Variants in AGPAT4 observed in about 807,000 individuals in gnomAD.
AGPAT4 encodes 1-acyl-sn-glycerol-3-phosphate acyltransferase delta.
Under a neutral mutation model 48.0 loss-of-function variants are expected in AGPAT4, and 15 were observed. The observed-to-expected ratio is 0.31, with a 90% CI of 0.21 to 0.48. AGPAT4 has a LOEUF of 0.48. AGPAT4 is among the 20% of genes least tolerant of loss of function. The pLI, the probability that AGPAT4 is intolerant of heterozygous loss-of-function variation, is 0.99. For synonymous variants in AGPAT4, 178 were observed against 198.7 expected, an observed-to-expected ratio of 0.90 and a Z score of 0.88; for missense variants, 314 against 482.5, an observed-to-expected ratio of 0.65 and a Z score of 3.27.
chr6:161,245,179 A>G lies in AGPAT4; in HGVS notation c.-89-12877T>C, dbSNP rs946477760. 1.3e-5 allele frequency among the ~76,000 whole-genome samples: 2 copies of G among 152,216 alleles called. No homozygotes were observed. Among genetic ancestry groups the G allele is most frequent in the Non-Finnish European group, 2.9e-5 (2 of 68,042 alleles). On this transcript the variant is annotated intron_variant, in intron 1 of 8. Transcript: ENST00000320285. This position sits in a 1 kb window ranked among gnomAD's most constrained non-coding sequence, Gnocchi z 5.2. The stretch of plus-strand genomic sequence containing the variant: ...AGCAGGGGAGGTAGCCAGTATTTAG[A>G]GTCAGGGGACCTGAGTGTGATTCTT...
chr6:161,203,762 A>T (rs1457367072), intron 2 of AGPAT4, among the ~76,000 whole-genome samples: 1 of 152,122 alleles, frequency 6.6e-6, no homozygotes, highest in African/African-American at 2.4e-5. Context: ...TCTGGAATTT[A>T]TGAGACCCCA....
rs1441245447 is a variant in AGPAT4 at position 161,232,600 on chromosome 6, C to T, written c.-89-298G>A. Among the ~76,000 whole-genome samples, 5 of 152,178 alleles carry T rather than the reference C, an allele frequency of 3.3e-5. No individual in the cohort carries two copies. On this transcript the variant is annotated intron_variant, in intron 1 of 8. Coordinates refer to ENST00000320285, the MANE Select transcript of AGPAT4 (RefSeq NM_020133.3). The surrounding 1 kb of genome is among the most constrained non-coding windows in gnomAD (Gnocchi z 6.8). ...CACTCGGCCAGGGTTCACCGCTCCC[C>T]AGCTGGGCAGCAGCTGAGCCAGCCA...
chr6:161,238,279 G>A lies in AGPAT4; in HGVS notation c.-89-5977C>T, dbSNP rs1554238855. Among the ~76,000 whole-genome samples the A allele has an allele frequency of 6.6e-6, 1 of 152,206 alleles. No individual in the cohort carries two copies. The highest frequency in any genetic ancestry group is 1.5e-5 in the Non-Finnish European group (1 of 68,042). On this transcript the variant is annotated intron_variant, in intron 1 of 8. Coordinates refer to ENST00000320285, the MANE Select transcript of AGPAT4 (RefSeq NM_020133.3). This position sits in a 1 kb window ranked among gnomAD's most constrained non-coding sequence, Gnocchi z 5.2. ...AACTTCAGCATGAGGTGGCTGCAAG[G>A]AGCAAGTATAGTAAAGCATTGGAAA... is the stretch of plus-strand genomic sequence containing the variant.
chr6:161,171,213 AG>A lies in AGPAT4; in HGVS notation c.179-4797del, dbSNP rs1323665399. ...GCGTTACAATGCCAGGAGCCCTACG[AG>A]GGTAAATCTAAGAGAAGCAAAGATA... On this transcript the variant is annotated intron_variant, in intron 2 of 8. Transcript: ENST00000320285. The surrounding 1 kb of genome is among the most constrained non-coding windows in gnomAD (Gnocchi z 4.4). 6.6e-6 allele frequency among the ~76,000 whole-genome samples: 1 copy of A among 152,252 alleles called. No homozygotes were observed. The highest frequency in any genetic ancestry group is 1.5e-5 in the Non-Finnish European group (1 of 68,042).
Position 161,215,255 on chromosome 6 carries a change from G to C in AGPAT4, c.178+16781C>G, listed in dbSNP as rs78353268. On this transcript the variant is annotated intron_variant, in intron 2 of 8. Transcript: ENST00000320285. This position sits in a 1 kb window ranked among gnomAD's most constrained non-coding sequence, Gnocchi z 4.5. The stretch of plus-strand genomic sequence containing the variant: ...TACACTGCATGTGTTGTAATCTGTT[G>C]CCTAGTTAGCAAATGTTTCTGTAGA... Among the ~76,000 whole-genome samples, 1 of 152,100 alleles carries C rather than the reference G, an allele frequency of 6.6e-6. No homozygotes were observed. Among genetic ancestry groups the C allele is most frequent in the Non-Finnish European group, 1.5e-5 (1 of 68,020 alleles).
At position 161,183,753 on chromosome 6, in the gene AGPAT4, G is replaced by C. The variant is rs138586895; in HGVS notation, c.179-17336C>G. Among the ~76,000 whole-genome samples the C allele has an allele frequency of 1.3e-3, 165 of 131,986 alleles. 1 individual carries two copies. Among genetic ancestry groups the C allele is most frequent in the Admixed American group, 2.0e-3 (27 of 13,526 alleles). The allele number at this position is 131,986 out of a possible 152,430, so 86.6% of individuals were successfully genotyped here. A position where few individuals can be genotyped will look rare whatever the true frequency, so the allele number is the denominator to read the frequency against. ...AGAGGGGAGGGGAGGGGAGGGGAGGGAGGCTGATCCTTCTGGGGGGCCCAG... is the reference window on the plus strand; with the variant it reads ...AGAGGGGAGGGGAGGGGAGGGGAGGCAGGCTGATCCTTCTGGGGGGCCCAG... On this transcript the variant is annotated intron_variant, in intron 2 of 8. Transcript: ENST00000320285.
rs1783030779 is a variant in AGPAT4, at chr6:161,259,149, A to G, written c.-90+14789T>C. ...AAATTGTACATATTTATGGTGTACA[A>G]CATAATGTTATGATATACGTTTACA... is the stretch of plus-strand genomic sequence containing the variant. On this transcript the variant is annotated intron_variant, in intron 1 of 8. Coordinates refer to ENST00000320285, the MANE Select transcript of AGPAT4 (RefSeq NM_020133.3). The surrounding 1 kb of genome is among the most constrained non-coding windows in gnomAD (Gnocchi z 4.9). 6.6e-6 allele frequency among the ~76,000 whole-genome samples: 1 copy of G among 152,198 alleles called. No individual in the cohort carries two copies. The highest frequency in any genetic ancestry group is 1.5e-5 in the Non-Finnish European group (1 of 68,044).
In AGPAT4 at chr6:161,262,055, C is replaced by T. The variant is rs1277183517; in HGVS notation, c.-90+11883G>A. On this transcript the variant is annotated intron_variant, in intron 1 of 8. Coordinates refer to ENST00000320285, the MANE Select transcript of AGPAT4 (RefSeq NM_020133.3). This position sits in a 1 kb window ranked among gnomAD's most constrained non-coding sequence, Gnocchi z 4.9. The stretch of plus-strand genomic sequence containing the variant: ...TTGCCTGGTACATCATCTTAAATGT[C>T]GCTGTGGTCATCATTATCATCACTG... Among the ~76,000 whole-genome samples, 1 of 152,110 alleles carries T rather than the reference C, an allele frequency of 6.6e-6. No homozygotes were observed. The highest frequency in any genetic ancestry group is 1.9e-4 in the East Asian group (1 of 5,200).
At position 161,153,449 on chromosome 6, in the gene AGPAT4, G is replaced by A. The variant is rs757250632; in HGVS notation, c.561C>T (p.Ile187=). The change falls in exon 5 of 9, where the codon ATC becomes ATT. Residue 187 remains isoleucine, a synonymous_variant. Coordinates refer to ENST00000320285, the MANE Select transcript of AGPAT4 (RefSeq NM_020133.3). ...CCTTGGCCCGGGCCACCTGCATGCT[G>A]ATCTCATGCTTCTTCTCCGTGAACC... ...GTRFTEKKHE[I]SMQVARAKGL... 5 of 1,613,262 alleles carry A rather than the reference G, an allele frequency of 3.1e-6. No individual in the cohort carries two copies. The highest frequency in any genetic ancestry group is 3.4e-6 in the Non-Finnish European group (4 of 1,179,752).
rs1489495649 is a variant in AGPAT4, at chr6:161,261,664, C to T, written c.-90+12274G>A. Among the ~76,000 whole-genome samples, 4 of 152,254 alleles carry T rather than the reference C, an allele frequency of 2.6e-5. No individual in the cohort carries two copies. The highest frequency in any genetic ancestry group is 9.6e-5 in the African/African-American group (4 of 41,468). On this transcript the variant is annotated intron_variant, in intron 1 of 8. Transcript: ENST00000320285. The surrounding 1 kb of genome is among the most constrained non-coding windows in gnomAD (Gnocchi z 5.3). ...CTAATCATGTAGTGTTTGTAAGCTACATTTGACATGGGACAAGTCAGTAAT... is the reference window on the plus strand; with the variant it reads ...CTAATCATGTAGTGTTTGTAAGCTATATTTGACATGGGACAAGTCAGTAAT...
Position 161,142,744 on chromosome 6 carries a change from G to A in AGPAT4, c.844-3124C>T, listed in dbSNP as rs1432134692. Among the ~76,000 whole-genome samples, 1 of 152,182 alleles carries A rather than the reference G, an allele frequency of 6.6e-6. No individual in the cohort carries two copies. The highest frequency in any genetic ancestry group is 1.9e-4 in the East Asian group (1 of 5,186). ...AGAAGCGGCTCCTCTTAGTCAGCAA[G>A]TCTGGGCGGGGAGAGGCTCTGTGAG... is the stretch of plus-strand genomic sequence containing the variant. On this transcript the variant is annotated intron_variant, in intron 7 of 8. Transcript: ENST00000320285. The surrounding 1 kb of genome is among the most constrained non-coding windows in gnomAD (Gnocchi z 6.4).
Position 161,254,951 on chromosome 6 carries a change from C to T in AGPAT4, c.-90+18987G>A, listed in dbSNP as rs1012464540. ...CTCACAAAAGCCAGCCCTGACTTCGCGAAGAAAAAGCCTCAAACTGCAGAA... is the reference window on the plus strand; with the variant it reads ...CTCACAAAAGCCAGCCCTGACTTCGTGAAGAAAAAGCCTCAAACTGCAGAA... On this transcript the variant is annotated intron_variant, in intron 1 of 8. Coordinates refer to ENST00000320285, the MANE Select transcript of AGPAT4 (RefSeq NM_020133.3). This position sits in a 1 kb window ranked among gnomAD's most constrained non-coding sequence, Gnocchi z 5.9. 7.9e-5 allele frequency among the ~76,000 whole-genome samples: 12 copies of T among 152,232 alleles called. No individual in the cohort carries two copies. Among genetic ancestry groups the T allele is most frequent in the South Asian group, 6.2e-4 (3 of 4,816 alleles).
chr6:161,191,809 C>T (rs1305943694), intron 2 of AGPAT4, among the ~76,000 whole-genome samples: 1 of 152,210 alleles, frequency 6.6e-6, no homozygotes, highest in African/African-American at 2.4e-5. Context: ...TTACACATAG[C>T]ATGGACAAAA....
chr6:161,170,160 C>T (rs1179970274), intron 2 of AGPAT4, among the ~76,000 whole-genome samples: 3 of 152,128 alleles, frequency 2.0e-5, no homozygotes, highest in African/African-American at 7.2e-5. Context: ...CTTGATCTCT[C>T]CCAGTTTATA....
intron 2 of AGPAT4, among the ~76,000 whole-genome samples, chr6:161,181,983 T>C (rs1185496356): frequency 6.6e-6 from 1 of 152,112 alleles, no homozygotes; most frequent in Non-Finnish European, 1.5e-5. Flanking sequence ...GTATAAAGCA[T>C]CATGGGAGAT....
rs961421192 is a variant in AGPAT4 at position 161,141,926 on chromosome 6, G to A, written c.844-2306C>T. ...CGCACAGGCTGGAGTGCAATGGCACGATCTCCTCTCACTGCAACCTCCGCC... is the reference window on the plus strand; with the variant it reads ...CGCACAGGCTGGAGTGCAATGGCACAATCTCCTCTCACTGCAACCTCCGCC... On this transcript the variant is annotated intron_variant, in intron 7 of 8. Transcript: ENST00000320285. This position sits in a 1 kb window ranked among gnomAD's most constrained non-coding sequence, Gnocchi z 6.7. Among the ~76,000 whole-genome samples the A allele has an allele frequency of 1.3e-5, 2 of 152,034 alleles. No homozygotes were observed. Among genetic ancestry groups the A allele is most frequent in the Non-Finnish European group, 2.9e-5 (2 of 68,006 alleles).
In AGPAT4 at chr6:161,184,992, G is replaced by A. The variant is rs988058030; in HGVS notation, c.179-18575C>T. ...ACACCCAGAGCACAGGAGGTTCTAC[G>A]AGGCAGTGCTGGGCTTTTCACAAAT... On this transcript the variant is annotated intron_variant, in intron 2 of 8. Transcript: ENST00000320285. The surrounding 1 kb of genome is among the most constrained non-coding windows in gnomAD (Gnocchi z 4.8). Among the ~76,000 whole-genome samples the A allele has an allele frequency of 1.2e-4, 19 of 152,160 alleles. 1 individual carries two copies. Among genetic ancestry groups the A allele is most frequent in the Admixed American group, 3.3e-4 (5 of 15,296 alleles).
Position 161,222,850 on chromosome 6 carries a change from C to T in AGPAT4, c.178+9186G>A, listed in dbSNP as rs1781869824. On this transcript the variant is annotated intron_variant, in intron 2 of 8. Transcript: ENST00000320285. The surrounding 1 kb of genome is among the most constrained non-coding windows in gnomAD (Gnocchi z 5.9). The stretch of plus-strand genomic sequence containing the variant: ...CGGTGGCCTCACGACACAGCAAGGC[C>T]ATGATGACATTTGATAGGTCCATCT... Among the ~76,000 whole-genome samples the T allele has an allele frequency of 6.6e-6, 1 of 152,136 alleles. No homozygotes were observed. The highest frequency in any genetic ancestry group is 2.4e-5 in the African/African-American group (1 of 41,422).
At position 161,231,749 on chromosome 6, in the gene AGPAT4, T is replaced by TTAATACTAAATCAC. The variant is rs1782129304; in HGVS notation, c.178+286_178+287insGTGATTTAGTATTA. Among the ~76,000 whole-genome samples, 2 of 152,212 alleles carry TTAATACTAAATCAC rather than the reference T, an allele frequency of 1.3e-5. No homozygotes were observed. Among genetic ancestry groups the TTAATACTAAATCAC allele is most frequent in the Non-Finnish European group, 2.9e-5 (2 of 68,038 alleles). On this transcript the variant is annotated intron_variant, in intron 2 of 8. Coordinates refer to ENST00000320285, the MANE Select transcript of AGPAT4 (RefSeq NM_020133.3). This position sits in a 1 kb window ranked among gnomAD's most constrained non-coding sequence, Gnocchi z 5.3. Reference sequence around the variant, plus strand: ...TTCTGTAAGGATAACTAAGAAATCATTAATACTGATTGGTTCTGAGGAGAA... The same window carrying TTAATACTAAATCAC: ...TTCTGTAAGGATAACTAAGAAATCATTAATACTAAATCACTAATACTGATTGGTTCTGAGGAGAA...
Sources: gnomAD v4.1 joint callset for allele counts (sites outside exome capture counted in the v4.1 genomes callset) on GRCh38, gnomAD v4.1.1 for gene constraint, Gnocchi (gnomAD v3.1) non-coding constraint, MANE v1.5 for transcripts, NCBI Gene and HGNC (gene_info 2026-07-23, HGNC 2026-07-21) for gene names.